Variants in LRRC37A2 observed in about 807,000 individuals in gnomAD.
LRRC37A2 encodes the protein leucine-rich repeat-containing protein 37A2.
A neutral mutation model predicts 68.8 loss-of-function variants in LRRC37A2; 9 were observed. The observed-to-expected ratio is 0.13, with a 90% CI of 0.08 to 0.23. The LOEUF (loss-of-function observed/expected upper bound fraction) is 0.23, where lower values mean the gene tolerates loss of function less well. Ranked by LOEUF, LRRC37A2 falls within the 10% of genes least tolerant of loss-of-function variation. The pLI is 1.00. For synonymous variants in LRRC37A2, 63 were observed against 367.6 expected, an observed-to-expected ratio of 0.17 and a Z score of 9.48; for missense variants, 168 against 950.4, an observed-to-expected ratio of 0.18 and a Z score of 10.82.
At chr17:46,790,053 G>A in the LRRC37A2 span, among the ~76,000 whole-genome samples, 1,217 of 152,140 alleles carry the variant, frequency 8.0e-3, 18 homozygotes, top group African/African-American at 0.028. Flanking sequence ...AGTTCAAAGC[G>A]CTGGCTGCCC....
the LRRC37A2 span, chr17:46,940,299 G>C: frequency 6.9e-7 from 1 of 1,441,008 alleles, no homozygotes. Context: ...GGCCAAATGG[G>C]CCCCAGGTTT....
At chr17:46,542,879 T>C (rs1172866236) in intron 8 of LRRC37A2, among the ~76,000 whole-genome samples, 1 of 150,300 alleles carries the variant, frequency 6.7e-6, no homozygotes, top group Non-Finnish European at 1.5e-5. Flanking sequence ...AAGATTAGCA[T>C]GGAAAGGGCC....
the LRRC37A2 span, among the ~76,000 whole-genome samples, chr17:46,779,053 TCA>T: frequency 0.012 from 1,166 of 100,640 alleles, 11 homozygotes; most frequent in Middle Eastern, 0.028. Flanking sequence ...CCCTACCCCA[TCA>T]CACACACACA....
chr17:46,780,856 A>C, the LRRC37A2 span, among the ~76,000 whole-genome samples: 3 of 152,214 alleles, frequency 2.0e-5, no homozygotes, highest in Non-Finnish European at 4.4e-5. Context: ...ACAGCAGCCA[A>C]AAGGTAGAGA....
At chr17:47,005,917 T>A in the LRRC37A2 span, 1 of 152,258 alleles carries the variant, frequency 6.6e-6, no homozygotes, top group African/African-American at 2.4e-5. Flanking sequence ...TGTAATGCTG[T>A]CTTTCTCATT....
the LRRC37A2 span, chr17:46,923,500 C>T: frequency 2.2e-6 from 3 of 1,380,644 alleles, no homozygotes; most frequent in South Asian, 1.8e-5. Flanking sequence ...GGGAAACTGG[C>T]ACCTGCAGGT....
the LRRC37A2 span, among the ~76,000 whole-genome samples, chr17:47,038,134 T>C: frequency 6.6e-6 from 1 of 152,008 alleles, no homozygotes; most frequent in Non-Finnish European, 1.5e-5. Flanking sequence ...TGAGACCTTA[T>C]CTCTACAAAA....
At chr17:46,871,460 C>A in the LRRC37A2 span, among the ~76,000 whole-genome samples, 1 of 152,108 alleles carries the variant, frequency 6.6e-6, no homozygotes, top group Non-Finnish European at 1.5e-5. Context: ...CCTCGTAAAT[C>A]CTTTGTTTCC....
chr17:46,744,503 GAATGATATGGAAAGAATGGCCTTTC>G, the LRRC37A2 span, among the ~76,000 whole-genome samples: 1 of 152,066 alleles, frequency 6.6e-6, no homozygotes, highest in Non-Finnish European at 1.5e-5. Flanking sequence ...GCTCAGCATT[GAATGATATGGAAAGAATGGCCTTTC>G]TTTCCTGCAT....
chr17:46,867,611 G>A, the LRRC37A2 span, among the ~76,000 whole-genome samples: 1 of 152,198 alleles, frequency 6.6e-6, no homozygotes, highest in East Asian at 1.9e-4. Flanking sequence ...GCAGTCTCCT[G>A]GGAGGCTTTT....
the LRRC37A2 span, among the ~76,000 whole-genome samples, chr17:46,822,589 C>A: frequency 7.2e-5 from 11 of 152,214 alleles, no homozygotes; most frequent in Non-Finnish European, 1.6e-4. Flanking sequence ...TCCCTGCGGG[C>A]CCGGCATCCT....
Position 46,548,831 on chromosome 17 carries a change from T to C in LRRC37A2, c.3692T>C (p.Val1231Ala), listed in dbSNP as rs1348121351. Residue 1231 changes from valine (V) to alanine (A), a missense_variant, in exon 10 of 15, where the codon GTC becomes GCC. Coordinates refer to ENST00000576629, the Ensembl canonical transcript of LRRC37A2. The stretch of plus-strand genomic sequence containing the variant: ...CCTGAGAAGTTAGCGGGAAACGCCG[T>C]CTACACCAAGCCTTCCTTCACCCAA... 11 of 1,612,118 alleles carry C rather than the reference T, an allele frequency of 6.8e-6. 1 individual carries two copies. In the Admixed American group the frequency reaches 1.7e-4, roughly 24 times the overall value.
chr17:46,762,080 C>CA, the LRRC37A2 span, among the ~76,000 whole-genome samples: 1 of 152,222 alleles, frequency 6.6e-6, no homozygotes, highest in Non-Finnish European at 1.5e-5. Flanking sequence ...AGTCAAGTTT[C>CA]ATTTTCAATA....
At chr17:47,000,074 TAA>T in the LRRC37A2 span, among the ~76,000 whole-genome samples, 1,331 of 63,948 alleles carry the variant, frequency 0.021, 166 homozygotes, top group African/African-American at 0.074. Context: ...TAAAATAAAA[TAA>T]AAAATAAAAT....
chr17:46,460,672 A>C, the LRRC37A2 span, among the ~76,000 whole-genome samples: 6,752 of 43,574 alleles, frequency 0.15, 1,542 homozygotes, highest in Middle Eastern at 0.27. Context: ...ATCAGTAAGT[A>C]AAATTAACTC....
chr17:46,805,961 G>T, the LRRC37A2 span, among the ~76,000 whole-genome samples: 1 of 152,180 alleles, frequency 6.6e-6, no homozygotes, highest in African/African-American at 2.4e-5. Flanking sequence ...CAATGGAATG[G>T]TGCCTCAGGG....
chr17:46,951,353 C>G, the LRRC37A2 span, among the ~76,000 whole-genome samples: 3 of 152,162 alleles, frequency 2.0e-5, no homozygotes, highest in Non-Finnish European at 4.4e-5. Flanking sequence ...TCCATGACAA[C>G]AGCAAGCTCC....
At chr17:46,496,605 A>G in the LRRC37A2 span, among the ~76,000 whole-genome samples, 1 of 82,670 alleles carries the variant, frequency 1.2e-5, no homozygotes, top group African/African-American at 4.0e-5. Flanking sequence ...TCCATCTCAA[A>G]AGAAAAAAAA....
At chr17:47,027,205 C>T in the LRRC37A2 span, among the ~76,000 whole-genome samples, 5 of 152,010 alleles carry the variant, frequency 3.3e-5, no homozygotes, top group Admixed American at 6.6e-5. Flanking sequence ...CCACCGCACC[C>T]GGCCCGACTA....
Sources: gnomAD v4.1 joint callset for allele counts (sites outside exome capture counted in the v4.1 genomes callset) on GRCh38, gnomAD v4.1.1 for gene constraint, MANE v1.5 for transcripts, NCBI Gene and HGNC (gene_info 2026-07-23, HGNC 2026-07-21) for gene names.